NREP: variants seen among roughly 807,000 people sequenced by gnomAD.
NREP encodes the protein neuronal regeneration related protein.
Under a neutral mutation model 8.6 loss-of-function variants are expected in NREP, and 5 were observed. That is an observed-to-expected ratio of 0.58 (90% confidence interval 0.30 to 1.22). NREP has a LOEUF of 1.22. NREP is among the 50% of genes most tolerant of loss of function. The probability of loss-of-function intolerance (pLI) is 0.07; values close to 1 mark genes in which losing one functional copy is unlikely to be tolerated. For missense variants in NREP, 86 were observed against 82.5 expected (o/e 1.04, Z -0.17); for synonymous variants, 27 against 28.0 (o/e 0.96, Z 0.11).
intron 3 of NREP, chr5:111,734,119 G>A (rs1748877954): frequency 6.6e-6 from 1 of 152,240 alleles, no homozygotes; most frequent in South Asian, 2.1e-4. Context: ...GCTTTCTAAG[G>A]GTACGGTGAG....
At chr5:111,896,789 G>C (rs546120554) in intron 2 of NREP, among the ~76,000 whole-genome samples, 4 of 152,206 alleles carry the variant, frequency 2.6e-5, no homozygotes, top group Admixed American at 2.0e-4. Flanking sequence ...ATCTTTACAA[G>C]ATCTCCTGAA....
chr5:111,746,030 TCA>T (rs1409041628), intron 2 of NREP, among the ~76,000 whole-genome samples: 7 of 152,146 alleles, frequency 4.6e-5, no homozygotes, highest in African/African-American at 1.7e-4. Context: ...CTGTATTCAA[TCA>T]CAGTCAAAGA....
At chr5:111,883,448 G>C (rs1230106203) in intron 2 of NREP, among the ~76,000 whole-genome samples, 1 of 152,086 alleles carries the variant, frequency 6.6e-6, no homozygotes, top group African/African-American at 2.4e-5. Context: ...CCCAGGAATT[G>C]AACTCAGCTC....
At chr5:111,959,298 G>T (rs143552881) in intron 2 of NREP, among the ~76,000 whole-genome samples, 31 of 152,088 alleles carry the variant, frequency 2.0e-4, no homozygotes, top group African/African-American at 6.7e-4. Flanking sequence ...TCAGAATAGT[G>T]GTTAACTTTG....
At chr5:111,805,011 A>ACAG in intron 2 of NREP, among the ~76,000 whole-genome samples, 1 of 151,996 alleles carries the variant, frequency 6.6e-6, no homozygotes, top group Admixed American at 6.6e-5. Flanking sequence ...AACAACAACA[A>ACAG]CAACAACAAA....
At chr5:111,840,397 A>G (rs1443362068) in intron 2 of NREP, among the ~76,000 whole-genome samples, 1 of 152,114 alleles carries the variant, frequency 6.6e-6, no homozygotes, top group Admixed American at 6.6e-5. Flanking sequence ...TACAGCTACC[A>G]TAGCCATTAT....
At chr5:111,737,144 C>G (rs191249396) in intron 2 of NREP, among the ~76,000 whole-genome samples, 1 of 152,322 alleles carries the variant, frequency 6.6e-6, no homozygotes, top group African/African-American at 2.4e-5. Flanking sequence ...CCAGCTCCTT[C>G]AGAAAGTAAT....
downstream of NREP, chr5:111,729,289 G>C (rs958121714): frequency 6.6e-6 from 1 of 152,156 alleles, no homozygotes; most frequent in Non-Finnish European, 1.5e-5. Flanking sequence ...TCAATGATGA[G>C]CCAAATCAGA....
intron 2 of NREP, among the ~76,000 whole-genome samples, chr5:111,936,704 T>C (rs1386835506): frequency 1.3e-5 from 2 of 152,052 alleles, no homozygotes; most frequent in Admixed American, 6.6e-5. Context: ...ATGACTACAA[T>C]CTCCTTGATT....
At chr5:111,862,732 T>C (rs950336842) in intron 2 of NREP, among the ~76,000 whole-genome samples, 1 of 151,930 alleles carries the variant, frequency 6.6e-6, no homozygotes. Flanking sequence ...GGACTTAAAA[T>C]ATCGAGTTTA....
chr5:111,756,707 C>G (rs1750734624), intron 1 of NREP, among the ~76,000 whole-genome samples: 1 of 152,070 alleles, frequency 6.6e-6, no homozygotes, highest in East Asian at 1.9e-4. Context: ...GAAGCAGCAG[C>G]ATTGAAAGAG....
chr5:111,769,015 C>G (rs1354652729), intron 2 of NREP, among the ~76,000 whole-genome samples: 1 of 152,174 alleles, frequency 6.6e-6, no homozygotes, highest in Admixed American at 6.6e-5. Flanking sequence ...TGCAGCCTTG[C>G]CAGCATCTGT....
At chr5:111,945,416 A>C (rs1755949230) in intron 2 of NREP, among the ~76,000 whole-genome samples, 1 of 149,192 alleles carries the variant, frequency 6.7e-6, no homozygotes, top group South Asian at 2.2e-4. Context: ...ATATCTCCTA[A>C]TGCTATCCCT....
chr5:111,822,520 A>T (rs2112925722), intron 2 of NREP, among the ~76,000 whole-genome samples: 1 of 152,330 alleles, frequency 6.6e-6, no homozygotes, highest in Middle Eastern at 3.4e-3. Context: ...ATGGAAATAT[A>T]CCAGTCCTTA....
chr5:111,871,253 C>T (rs1234249259), intron 2 of NREP, among the ~76,000 whole-genome samples: 1 of 152,056 alleles, frequency 6.6e-6, no homozygotes, highest in Non-Finnish European at 1.5e-5. Flanking sequence ...ACCTGTACAA[C>T]GTGTTACTGC....
At chr5:111,921,787 AC>A (rs1179891105) in intron 2 of NREP, among the ~76,000 whole-genome samples, 3 of 152,100 alleles carry the variant, frequency 2.0e-5, no homozygotes, top group Non-Finnish European at 2.9e-5. Flanking sequence ...TGTGGGAGGG[AC>A]CCGGAGGGAG....
At chr5:111,831,450 C>A (rs769607031) in intron 2 of NREP, among the ~76,000 whole-genome samples, 17 of 152,106 alleles carry the variant, frequency 1.1e-4, no homozygotes, top group Non-Finnish European at 4.4e-5. Flanking sequence ...TTACAAAAGC[C>A]ACTCAACAAT....
At chr5:111,889,097 A>T (rs1754331117) in intron 2 of NREP, among the ~76,000 whole-genome samples, 1 of 152,236 alleles carries the variant, frequency 6.6e-6, no homozygotes, top group South Asian at 2.1e-4. Flanking sequence ...CCTTGCTATA[A>T]AGAAATACCA....
intron 2 of NREP, among the ~76,000 whole-genome samples, chr5:111,817,536 T>C (rs1446796396): frequency 6.6e-6 from 1 of 152,138 alleles, no homozygotes; most frequent in East Asian, 1.9e-4. Context: ...CTTGGCATGG[T>C]GGCTCACACC....
Sources: allele counts gnomAD v4.1 joint callset (sites outside exome capture counted in the v4.1 genomes callset), GRCh38; gene constraint gnomAD v4.1.1; transcripts MANE v1.5; gene names NCBI Gene and HGNC (gene_info 2026-07-23, HGNC 2026-07-21).